Variants in EPHA6 observed in about 807,000 individuals in gnomAD.
The protein encoded by EPHA6 is EPH receptor A6.
Under a neutral mutation model 112.0 loss-of-function variants are expected in EPHA6, and 50 were observed. The ratio of observed to expected loss-of-function variants is 0.45; its 90% CI spans 0.36 to 0.56. EPHA6 has a LOEUF of 0.56. Ranked by LOEUF, EPHA6 falls within the 20% of genes least tolerant of loss-of-function variation. The pLI is 0.00. For synonymous variants in EPHA6, 529 were observed against 490.7 expected, an observed-to-expected ratio of 1.08 and a Z score of -1.03; for missense variants, 1,280 against 1,417.4, an observed-to-expected ratio of 0.90 and a Z score of 1.56.
intron 2 of EPHA6, among the ~76,000 whole-genome samples, chr3:96,884,055 T>G (rs1292480540): frequency 6.6e-6 from 1 of 152,178 alleles, no homozygotes; most frequent in Non-Finnish European, 1.5e-5. Context: ...TTCTGGATTC[T>G]CTATTCTGTT....
intron 3 of EPHA6, among the ~76,000 whole-genome samples, chr3:97,076,394 C>G (rs1283834323): frequency 6.6e-6 from 1 of 152,090 alleles, no homozygotes; most frequent in Non-Finnish European, 1.5e-5. Flanking sequence ...GAGAAAGACA[C>G]TAATTCTCTT....
At chr3:96,878,661 G>T (rs1324487330) in intron 2 of EPHA6, among the ~76,000 whole-genome samples, 2 of 151,856 alleles carry the variant, frequency 1.3e-5, no homozygotes, top group South Asian at 2.1e-4. Flanking sequence ...TTATCACACA[G>T]CCCCCAGCTA....
rs80318555 is a variant in EPHA6 at position 97,513,329 on chromosome 3, C to G, written c.2201-19029C>G. On this transcript the variant is annotated intron_variant, in intron 10 of 17. Coordinates refer to ENST00000389672, the MANE Select transcript of EPHA6 (RefSeq NM_001080448.3). ...TCCAAAGGAAATGAATTCAGTATGT[C>G]AAAGAGATATCTGCACTCTCATGTT... 1.9e-3 allele frequency among the ~76,000 whole-genome samples: 292 copies of G among 152,280 alleles called. 1 individual carries two copies. Among genetic ancestry groups the G allele is most frequent in the Non-Finnish European group, 2.9e-3 (195 of 68,014 alleles).
At chr3:97,544,068 T>C (rs934939111) in intron 11 of EPHA6, among the ~76,000 whole-genome samples, 14 of 152,304 alleles carry the variant, frequency 9.2e-5, no homozygotes, top group African/African-American at 2.9e-4. Flanking sequence ...CTTTTCCTAA[T>C]TGAATACCCT....
chr3:97,189,132 A>G (rs908675856), intron 3 of EPHA6, among the ~76,000 whole-genome samples: 1 of 152,030 alleles, frequency 6.6e-6, no homozygotes, highest in African/African-American at 2.4e-5. Context: ...GTGTCCATAA[A>G]ATCTGGAAAT....
intron 5 of EPHA6, among the ~76,000 whole-genome samples, chr3:97,258,404 T>C (rs2079389162): frequency 6.6e-6 from 1 of 152,058 alleles, no homozygotes; most frequent in Admixed American, 6.6e-5. Context: ...ACATCAACAA[T>C]AAGCATTCTG....
intron 12 of EPHA6, among the ~76,000 whole-genome samples, chr3:97,604,647 CA>C (rs924062710): frequency 1.3e-5 from 2 of 151,488 alleles, no homozygotes; most frequent in African/African-American, 4.8e-5. Flanking sequence ...CCGATTATTT[CA>C]AAAAGTTTAT....
At chr3:97,018,100 A>G (rs905881384) in intron 3 of EPHA6, among the ~76,000 whole-genome samples, 1 of 151,412 alleles carries the variant, frequency 6.6e-6, no homozygotes, top group Admixed American at 6.6e-5. Context: ...TCATTTGTCC[A>G]TCACATTTTT....
At chr3:96,889,977 A>G (rs1172116091) in intron 2 of EPHA6, among the ~76,000 whole-genome samples, 1 of 152,066 alleles carries the variant, frequency 6.6e-6, no homozygotes, top group African/African-American at 2.4e-5. Flanking sequence ...ATTGGAATAC[A>G]TATATATATT....
intron 5 of EPHA6, among the ~76,000 whole-genome samples, chr3:97,250,537 A>G (rs963490624): frequency 6.6e-5 from 10 of 152,240 alleles, no homozygotes; most frequent in South Asian, 2.1e-4. Flanking sequence ...ATTAAAAAAT[A>G]GTCATACGAT....
chr3:97,370,100 C>G (rs16838594), intron 5 of EPHA6, among the ~76,000 whole-genome samples: 20,260 of 152,084 alleles, frequency 0.13, 4,171 homozygotes, highest in African/African-American at 0.44. Flanking sequence ...ATTTACAACT[C>G]GTATGGTAGC....
intron 14 of EPHA6, among the ~76,000 whole-genome samples, chr3:97,677,311 AT>A (rs1460758605): frequency 6.6e-6 from 1 of 152,160 alleles, no homozygotes; most frequent in East Asian, 1.9e-4. Flanking sequence ...ATTGATTTTA[AT>A]TTTACCTTTT....
intron 14 of EPHA6, among the ~76,000 whole-genome samples, chr3:97,667,175 T>A (rs899554020): frequency 6.6e-6 from 1 of 152,224 alleles, no homozygotes; most frequent in African/African-American, 2.4e-5. Flanking sequence ...CCCTTGTGGT[T>A]TATTAATCAG....
intron 10 of EPHA6, among the ~76,000 whole-genome samples, chr3:97,518,435 G>A (rs528849413): frequency 2.0e-4 from 30 of 151,882 alleles, no homozygotes; most frequent in African/African-American, 5.8e-4. Flanking sequence ...GGCGGTTCAG[G>A]TATCTTTAGA....
At chr3:97,481,974 C>CA (rs2091566038) in intron 9 of EPHA6, among the ~76,000 whole-genome samples, 1 of 152,034 alleles carries the variant, frequency 6.6e-6, no homozygotes, top group African/African-American at 2.4e-5. Context: ...CAGATGGGCC[C>CA]AGCATGAAGC....
intron 2 of EPHA6, among the ~76,000 whole-genome samples, chr3:96,886,380 C>T (rs777116062): frequency 3.3e-5 from 5 of 152,020 alleles, no homozygotes; most frequent in Non-Finnish European, 5.9e-5. Context: ...TATATGTTTA[C>T]GATTGTGATA....
chr3:97,280,155 A>G (rs1484389934), intron 5 of EPHA6, among the ~76,000 whole-genome samples: 1 of 152,182 alleles, frequency 6.6e-6, no homozygotes, highest in Non-Finnish European at 1.5e-5. Flanking sequence ...AAGTGCTGGG[A>G]ATTACAGGAG....
chr3:97,192,710 T>C (rs1256257284), intron 3 of EPHA6, among the ~76,000 whole-genome samples: 2 of 152,168 alleles, frequency 1.3e-5, no homozygotes, highest in East Asian at 3.9e-4. Flanking sequence ...CAGGCCAATG[T>C]CTTGGAGTTT....
At position 97,667,071 on chromosome 3, in the gene EPHA6, A is replaced by G. The variant is rs1041609099; in HGVS notation, c.2784+28989A>G. Among the ~76,000 whole-genome samples the G allele has an allele frequency of 3.3e-5, 5 of 152,130 alleles. 1 individual carries two copies. Among genetic ancestry groups the G allele is most frequent in the Non-Finnish European group, 7.3e-5 (5 of 68,028 alleles). On this transcript the variant is annotated intron_variant, in intron 14 of 17. Transcript: ENST00000389672. ...TAATGTAGCCTTGGGACACCACCATATTAGTTTCCCTAATGGGTTCTTTTG... is the reference window on the plus strand; with the variant it reads ...TAATGTAGCCTTGGGACACCACCATGTTAGTTTCCCTAATGGGTTCTTTTG...
Sources: gnomAD v4.1 joint callset for allele counts (sites outside exome capture counted in the v4.1 genomes callset) on GRCh38, gnomAD v4.1.1 for gene constraint, MANE v1.5 for transcripts, NCBI Gene and HGNC (gene_info 2026-07-23, HGNC 2026-07-21) for gene names.